PLEKHA6: variants seen among roughly 807,000 people sequenced by gnomAD.
The protein encoded by PLEKHA6 is pleckstrin homology domain-containing family A member 6.
In PLEKHA6, 60 loss-of-function variants were observed where a neutral mutation model predicts 116.7. That is an observed-to-expected ratio of 0.51 (90% confidence interval 0.42 to 0.64). The LOEUF (loss-of-function observed/expected upper bound fraction) is 0.64, where lower values mean the gene tolerates loss of function less well. Among genes scored for constraint, PLEKHA6 ranks in the 30% least tolerant of loss-of-function variants. The probability of loss-of-function intolerance (pLI) is 0.00; values close to 1 mark genes in which losing one functional copy is unlikely to be tolerated. For synonymous variants in PLEKHA6, 489 were observed against 556.1 expected (o/e 0.88, Z 1.70); for missense variants, 1,338 against 1,422.7 (o/e 0.94, Z 0.96).
At chr1:204,326,154 G>A (rs1297263180) in intron 1 of PLEKHA6, among the ~76,000 whole-genome samples, 2 of 152,154 alleles carry the variant, frequency 1.3e-5, no homozygotes, top group African/African-American at 4.8e-5. Flanking sequence ...ATGGCTGAGG[G>A]CAGCTCCAGT....
At chr1:204,325,989 C>G in intron 1 of PLEKHA6, 1 of 729,460 alleles carries the variant, frequency 1.4e-6, no homozygotes, top group Non-Finnish European at 1.7e-6. Context: ...ACAGCAAGCC[C>G]CATTCCTCAC....
intron 15 of PLEKHA6, 138 bp from the exon 16 acceptor site, chr1:204,241,952 C>T (rs1414453192): frequency 5.3e-6 from 5 of 937,744 alleles, no homozygotes; most frequent in East Asian, 2.5e-5. Context: ...CTATGTGTGC[C>T]GCCTGGGAGG....
At chr1:204,241,341 G>T in intron 17 of PLEKHA6, 34 bp downstream of exon 17, 1 of 1,385,252 alleles carries the variant, frequency 7.2e-7, no homozygotes, top group Non-Finnish European at 1.0e-6. Flanking sequence ...TCGCAGCCCA[G>T]CTCAGGCCTG....
intron 1 of PLEKHA6, among the ~76,000 whole-genome samples, chr1:204,346,586 C>A (rs191236822): frequency 2.4e-4 from 36 of 152,236 alleles, no homozygotes; most frequent in Middle Eastern, 6.8e-3. Flanking sequence ...GAAGATGGCT[C>A]GGCAGGAAAC....
At chr1:204,327,434 A>G (rs1235322707) in intron 1 of PLEKHA6, among the ~76,000 whole-genome samples, 1 of 152,238 alleles carries the variant, frequency 6.6e-6, no homozygotes, top group Non-Finnish European at 1.5e-5. Context: ...GAACTAGCAC[A>G]GGGCAAGTGA....
intron 21 of PLEKHA6, 127 bp downstream of exon 21, chr1:204,227,956 C>A: frequency 1.0e-6 from 1 of 979,710 alleles, no homozygotes; most frequent in South Asian, 1.7e-5. Flanking sequence ...GTCTCAACCT[C>A]GAGGAGCATC....
intron 17 of PLEKHA6, among the ~76,000 whole-genome samples, chr1:204,233,342 AT>A (rs143142208): frequency 1.1e-3 from 151 of 132,918 alleles, no homozygotes; most frequent in Middle Eastern, 3.8e-3. Context: ...CACCTGGCTA[AT>A]TTTTTTTTTT....
intron 18 of PLEKHA6, 26 bp from the exon 19 acceptor site, chr1:204,229,130 C>T (rs369370777): frequency 3.9e-5 from 63 of 1,603,732 alleles, no homozygotes; most frequent in Non-Finnish European, 4.9e-5. Flanking sequence ...ATCGTGATTG[C>T]ACCATGGCTA....
intron 5 of PLEKHA6, among the ~76,000 whole-genome samples, chr1:204,266,482 C>T (rs1558103354): frequency 6.6e-6 from 1 of 152,148 alleles, no homozygotes; most frequent in Non-Finnish European, 1.5e-5. Flanking sequence ...ACTGTGGCCC[C>T]GTATCCTGGA....
intron 1 of PLEKHA6, among the ~76,000 whole-genome samples, chr1:204,337,534 T>C (rs2103299290): frequency 6.6e-6 from 1 of 152,218 alleles, no homozygotes; most frequent in South Asian, 2.1e-4. Context: ...CAAGTGAGCA[T>C]GAGATGAGGA....
At chr1:204,363,926 C>A (rs1673606820), upstream of PLEKHA6, among the ~76,000 whole-genome samples, 1 of 152,196 alleles carries the variant, frequency 6.6e-6, no homozygotes, top group Non-Finnish European at 1.5e-5. Context: ...CTCTCCTCCT[C>A]CCACCACTCT....
At chr1:204,373,086 C>CTTTTTTTTTT (rs973883787) in intron 1 of PLEKHA6, among the ~76,000 whole-genome samples, 1 of 113,432 alleles carries the variant, frequency 8.8e-6, no homozygotes, top group African/African-American at 3.7e-5. Flanking sequence ...TTTTTTCTTT[C>CTTTTTTTTTT]TTTTTTTTTT....
At chr1:204,343,781 GA>G (rs1672931664) in intron 1 of PLEKHA6, among the ~76,000 whole-genome samples, 2 of 152,212 alleles carry the variant, frequency 1.3e-5, no homozygotes, top group African/African-American at 4.8e-5. Flanking sequence ...CGAGACACTA[GA>G]AAGGCACCTG....
intron 1 of PLEKHA6, among the ~76,000 whole-genome samples, chr1:204,346,514 C>A (rs1229388484): frequency 6.6e-6 from 1 of 152,124 alleles, no homozygotes; most frequent in Non-Finnish European, 1.5e-5. Flanking sequence ...ATCCCCCACA[C>A]CTCCATTTCT....
intron 1 of PLEKHA6, among the ~76,000 whole-genome samples, chr1:204,347,694 C>T (rs4090844): frequency 8.5e-5 from 13 of 152,110 alleles, no homozygotes; most frequent in Admixed American, 5.9e-4. Flanking sequence ...AATAAATGTC[C>T]ATGAAATCTT....
chr1:204,307,167 C>G (rs997662056), intron 1 of PLEKHA6, among the ~76,000 whole-genome samples: 1 of 152,200 alleles, frequency 6.6e-6, no homozygotes, highest in African/African-American at 2.4e-5. Flanking sequence ...CTGCACCACA[C>G]ACACACTCAC....
rs187771568 is a variant in PLEKHA6 at position 204,277,746 on chromosome 1, G to T, written c.-94-2937C>A. On this transcript the variant is annotated intron_variant, in intron 1 of 22. Transcript: ENST00000272203. The surrounding 1 kb of genome is among the most constrained non-coding windows in gnomAD (Gnocchi z 4.1). Reference sequence around the variant, plus strand: ...AGCCTGCCCAGCCTTCTTCTGTGTGGACAGGAGCATAATGAATGAAGGTCC... The same window carrying T: ...AGCCTGCCCAGCCTTCTTCTGTGTGTACAGGAGCATAATGAATGAAGGTCC... The T allele has an allele frequency of 6.6e-6, 1 of 152,332 alleles. No individual in the cohort carries two copies. Among genetic ancestry groups the T allele is most frequent in the Non-Finnish European group, 1.5e-5 (1 of 68,054 alleles). The allele number at this position is 152,332 out of a possible 1,614,324, so 9.4% of individuals were successfully genotyped here. A position where few individuals can be genotyped will look rare whatever the true frequency, so the allele number is the denominator to read the frequency against.
At position 204,273,645 on chromosome 1, in the gene PLEKHA6, G is replaced by A. The variant is rs1357991802; in HGVS notation, c.83C>T (p.Pro28Leu). The A allele has an allele frequency of 1.9e-6, 3 of 1,613,808 alleles. No homozygotes were observed. The South Asian group carries it at 3.3e-5, about 18-fold the overall frequency. ...PNHNMVSEVP[P>L]ERPSVRATRT... ...ACTTACCCGGACGCTGGGCCGCTCT[G>A]GAGGGACCTCGGACACCATGTTGTG... Residue 28 changes from proline (P) to leucine (L), a missense_variant, in exon 3 of 23, where the codon CCA becomes CTA. Physicochemically the swap from Pro to Leu is moderately conservative, Grantham distance 98 (BLOSUM62 -3). Transcript: ENST00000272203.
At chr1:204,245,266 G>T (rs1663477132) in intron 14 of PLEKHA6, among the ~76,000 whole-genome samples, 1 of 152,086 alleles carries the variant, frequency 6.6e-6, no homozygotes, top group Non-Finnish European at 1.5e-5. Context: ...AGGAAAGCCA[G>T]TCTGAGGTCC....
Sources: allele counts gnomAD v4.1 joint callset (sites outside exome capture counted in the v4.1 genomes callset), GRCh38; gene constraint gnomAD v4.1.1; non-coding constraint Gnocchi (gnomAD v3.1); transcripts MANE v1.5; gene names NCBI Gene and HGNC (gene_info 2026-07-23, HGNC 2026-07-21).